CTIF: variants seen among roughly 807,000 people sequenced by gnomAD.
The protein encoded by CTIF is cap binding complex dependent translation initiation factor.
In CTIF, 21 loss-of-function variants were observed where a neutral mutation model predicts 66.0. The ratio of observed to expected loss-of-function variants is 0.32; its 90% confidence interval spans 0.23 to 0.46. CTIF has a LOEUF of 0.46. Among genes scored for constraint, CTIF ranks in the 20% least tolerant of loss-of-function variants. CTIF has a pLI of 1.00. For missense variants in CTIF, 739 were observed against 812.7 expected (o/e 0.91, Z 1.10); for synonymous variants, 345 against 326.4 (o/e 1.06, Z -0.62).
chr18:48,755,939 A>T (rs2145848570), intron 7 of CTIF: 1 of 152,380 alleles, frequency 6.6e-6, no homozygotes, highest in Middle Eastern at 3.4e-3. Flanking sequence ...TTGGGAACTG[A>T]AGAATGACAC....
At chr18:48,676,295 G>A (rs2091628739) in intron 6 of CTIF, among the ~76,000 whole-genome samples, 1 of 152,168 alleles carries the variant, frequency 6.6e-6, no homozygotes, top group South Asian at 2.1e-4. Flanking sequence ...GTTGTTTGTT[G>A]AATTATCCAG....
chr18:48,794,023 C>T (rs1232444770), intron 9 of CTIF, among the ~76,000 whole-genome samples: 3 of 145,980 alleles, frequency 2.1e-5, no homozygotes, highest in Non-Finnish European at 4.5e-5. Context: ...CATCCCCATC[C>T]CCATCTCCCC....
chr18:48,716,877 A>G (rs2092286948), intron 7 of CTIF, among the ~76,000 whole-genome samples: 1 of 152,226 alleles, frequency 6.6e-6, no homozygotes, highest in African/African-American at 2.4e-5. Flanking sequence ...AATTTACTCC[A>G]TGTGCAAAGC....
chr18:48,734,314 C>G (rs899167470), intron 7 of CTIF, among the ~76,000 whole-genome samples: 27 of 152,212 alleles, frequency 1.8e-4, no homozygotes, highest in African/African-American at 6.3e-4. Context: ...GCCTGTAATC[C>G]TAGCACTTTG....
chr18:48,654,547 A>G (rs1411665115), intron 3 of CTIF, among the ~76,000 whole-genome samples: 2 of 152,262 alleles, frequency 1.3e-5, no homozygotes, highest in East Asian at 1.9e-4. Context: ...TAGTTCAACC[A>G]TTGTGGAAGA....
At chr18:48,749,501 CCT>C (rs970786358) in intron 7 of CTIF, among the ~76,000 whole-genome samples, 151 of 152,278 alleles carry the variant, frequency 9.9e-4, no homozygotes, top group African/African-American at 3.5e-3. Flanking sequence ...TGAAACAGCC[CCT>C]GTCTTCCCAT....
intron 3 of CTIF, among the ~76,000 whole-genome samples, chr18:48,653,266 G>A (rs534960923): frequency 3.9e-5 from 6 of 152,178 alleles, no homozygotes; most frequent in Non-Finnish European, 5.9e-5. Flanking sequence ...AAGCTGATAA[G>A]GAACTTCAGC....
intron 9 of CTIF, among the ~76,000 whole-genome samples, chr18:48,764,245 C>A (rs1388149620): frequency 6.6e-6 from 1 of 152,234 alleles, no homozygotes; most frequent in Non-Finnish European, 1.5e-5. Flanking sequence ...CTAGTATTCA[C>A]TGAGTATTTC....
chr18:48,809,163 A>T (rs186174097), intron 9 of CTIF, among the ~76,000 whole-genome samples: 149 of 152,310 alleles, frequency 9.8e-4, no homozygotes, highest in Middle Eastern at 3.4e-3. Flanking sequence ...GTACATTAAA[A>T]TCTCACTAGT....
intron 7 of CTIF, among the ~76,000 whole-genome samples, chr18:48,733,415 G>C (rs1027924213): frequency 6.6e-6 from 1 of 152,238 alleles, no homozygotes; most frequent in African/African-American, 2.4e-5. Context: ...GGCTAGCTGA[G>C]CTCTTTGCTG....
intron 1 of CTIF, among the ~76,000 whole-genome samples, chr18:48,609,630 G>C (rs942063983): frequency 6.6e-6 from 1 of 152,154 alleles, no homozygotes; most frequent in East Asian, 1.9e-4. Context: ...ACCCAGACTC[G>C]GGACCCATAA....
chr18:48,625,121 T>G, intron 2 of CTIF: 2 of 659,088 alleles, frequency 3.0e-6, no homozygotes, highest in Non-Finnish European at 3.8e-6. Context: ...CTCGCCCTTT[T>G]TCTAAAATCC....
intron 1 of CTIF, among the ~76,000 whole-genome samples, chr18:48,580,313 A>G (rs1360166202): frequency 1.3e-5 from 2 of 152,216 alleles, no homozygotes; most frequent in East Asian, 3.8e-4. Context: ...ATCTCCAATC[A>G]GCAAACAAGA....
At chr18:48,619,789 G>C in intron 2 of CTIF, 44 bp downstream of exon 2, 2 of 1,460,498 alleles carry the variant, frequency 1.4e-6, no homozygotes, top group Non-Finnish European at 9.1e-7. Context: ...AAATTCAGAG[G>C]GGGTGATGCA....
At chr18:48,590,580 G>C (rs1207198764) in intron 1 of CTIF, among the ~76,000 whole-genome samples, 1 of 152,216 alleles carries the variant, frequency 6.6e-6, no homozygotes, top group African/African-American at 2.4e-5. Context: ...CTAGATTTGG[G>C]CTTCTGGACA....
chr18:48,820,934 C>T (rs200135003), intron 10 of CTIF, among the ~76,000 whole-genome samples: 3 of 152,236 alleles, frequency 2.0e-5, no homozygotes, highest in South Asian at 2.1e-4. Flanking sequence ...TCGGTCCCCA[C>T]GCTCCTTTAG....
At chr18:48,649,196 C>T (rs2091108462) in intron 3 of CTIF, among the ~76,000 whole-genome samples, 1 of 152,166 alleles carries the variant, frequency 6.6e-6, no homozygotes, top group South Asian at 2.1e-4. Context: ...ATTTCCCTTT[C>T]CTAGCTAAGG....
chr18:48,572,661 GGAA>G (rs2089442597), intron 1 of CTIF, among the ~76,000 whole-genome samples: 1 of 152,042 alleles, frequency 6.6e-6, no homozygotes. Context: ...ATCTGGCCCC[GGAA>G]GAAGAAGGTG....
intron 9 of CTIF, among the ~76,000 whole-genome samples, chr18:48,779,327 C>T (rs928816434): frequency 4.6e-5 from 7 of 152,182 alleles, no homozygotes; most frequent in African/African-American, 1.4e-4. Context: ...CCATTTTATA[C>T]ATGGGGAAAG....
Sources: gnomAD v4.1 joint callset for allele counts (sites outside exome capture counted in the v4.1 genomes callset) on GRCh38, gnomAD v4.1.1 for gene constraint, MANE v1.5 for transcripts, NCBI Gene and HGNC (gene_info 2026-07-23, HGNC 2026-07-21) for gene names.